MAPKAPK5: variants seen among roughly 807,000 people sequenced by gnomAD.
MAPKAPK5 encodes the protein MAP kinase-activated protein kinase 5.
In MAPKAPK5, 30 loss-of-function variants were observed where a neutral mutation model predicts 65.1. The observed-to-expected ratio is 0.46, with a 90% CI of 0.34 to 0.63. The LOEUF is 0.63. Ranked by LOEUF, MAPKAPK5 falls within the 20% of genes least tolerant of loss-of-function variation. The probability of loss-of-function intolerance (pLI) is 0.01; values close to 1 mark genes in which losing one functional copy is unlikely to be tolerated. For synonymous variants in MAPKAPK5, 179 were observed against 204.6 expected, an observed-to-expected ratio of 0.87 and a Z score of 1.07; for missense variants, 433 against 581.4, an observed-to-expected ratio of 0.74 and a Z score of 2.63.
chr12:111,857,405 C>A (rs2069280154), intron 1 of MAPKAPK5, among the ~76,000 whole-genome samples: 2 of 152,062 alleles, frequency 1.3e-5, no homozygotes, highest in Non-Finnish European at 2.9e-5. Context: ...CCATGCCTGG[C>A]TATTTTGGGG....
chr12:111,877,903 G>T lies in MAPKAPK5; in HGVS notation c.580-2544G>T, dbSNP rs75980545. Among the ~76,000 whole-genome samples the T allele has an allele frequency of 1.6e-4, 24 of 151,774 alleles. No homozygotes were observed. The East Asian group carries it at 4.6e-3, about 29-fold the overall frequency. ...GATGGGGCCTCACCACATTGTCCAG[G>T]CTGGTCTCGAACTTCTGGGCTCAAG... On this transcript the variant is annotated intron_variant, in intron 7 of 13. Transcript: ENST00000550735.
At chr12:111,860,342 G>A (rs1188141132) in intron 1 of MAPKAPK5, among the ~76,000 whole-genome samples, 1 of 152,106 alleles carries the variant, frequency 6.6e-6, no homozygotes, top group Non-Finnish European at 1.5e-5. Flanking sequence ...GTTTTTCCTG[G>A]TTCTCTTAGG....
At position 111,890,089 on chromosome 12, in the gene MAPKAPK5, G is replaced by C; in HGVS notation, c.1266G>C (p.Lys422Asn). The C allele has an allele frequency of 1.2e-6, 2 of 1,600,266 alleles. No homozygotes were observed. The highest frequency in any genetic ancestry group is 1.7e-6 in the Non-Finnish European group (2 of 1,173,688). Residue 422 changes from lysine to asparagine, a missense_variant, in exon 13 of 14, where the codon AAG (lysine) becomes AAC (asparagine). Physicochemically the swap from Lys to Asn is moderately conservative, Grantham distance 94. This residue lies in a region of MAPKAPK5 where 169 missense variants were observed against 215.6 expected (regional missense o/e 0.78). Transcript: ENST00000550735. ...ATGAAGTAATGCAGGAGGCTTGGAA[G>C]TATAACCGGGAATGCAAACTCCTAA... ...KLNEVMQEAW[K>N]YNRECKLLRD...
intron 8 of MAPKAPK5, among the ~76,000 whole-genome samples, chr12:111,882,406 C>T (rs1323150888): frequency 6.6e-6 from 1 of 152,046 alleles, no homozygotes; most frequent in East Asian, 1.9e-4. Context: ...GCGAGAGTAC[C>T]TGAGACACCC....
rs1325743060 is a variant in MAPKAPK5, at chr12:111,842,597, C to G, written c.-137C>G. ...CCGGCGCCGGGGTCCTCATCCCCAC[C>G]GGTCCCGAGGGGCGGCTGCTGCCCG... On this transcript the variant is annotated 5_prime_UTR_variant, in exon 1 of 14. Transcript: ENST00000550735. 1 of 496,926 alleles carries G rather than the reference C, an allele frequency of 2.0e-6. No homozygotes were observed. Among genetic ancestry groups the G allele is most frequent in the African/African-American group, 2.0e-5 (1 of 49,896 alleles). 30.8% of individuals were successfully genotyped at this position (496,926 alleles called of 1,614,324 possible).
At chr12:111,856,882 C>A (rs1171250231) in intron 1 of MAPKAPK5, among the ~76,000 whole-genome samples, 5 of 152,104 alleles carry the variant, frequency 3.3e-5, no homozygotes, top group Non-Finnish European at 7.4e-5. Flanking sequence ...AGTATATTTA[C>A]CATTTTTGTT....
chr12:111,899,953 A>G lies in MAPKAPK5; in HGVS notation c.*6892A>G, dbSNP rs1321847040. The G allele has an allele frequency of 2.2e-6, 1 of 455,972 alleles. No homozygotes were observed. The highest frequency in any genetic ancestry group is 2.0e-5 in the African/African-American group (1 of 50,072). 28.2% of individuals were successfully genotyped at this position (455,972 alleles called of 1,614,324 possible). ...GCACTGTCCTACTTGTGGTCACACA[A>G]AAAGTACGTGGAGATGTTTGTCGTG... On this transcript the variant is annotated 3_prime_UTR_variant, in exon 14 of 14. Transcript: ENST00000550735.
intron 1 of MAPKAPK5, among the ~76,000 whole-genome samples, chr12:111,862,979 G>A (rs535464193): frequency 1.9e-4 from 29 of 152,256 alleles, no homozygotes; most frequent in African/African-American, 6.7e-4. Context: ...AAGGAAGTAG[G>A]CAGGTTAAGT....
At position 111,842,675 on chromosome 12, in the gene MAPKAPK5, G is replaced by T; in HGVS notation, c.-59G>T. 7.7e-7 allele frequency: 1 copy of T among 1,296,472 alleles called. No homozygotes were observed. 80.3% of individuals were successfully genotyped at this position (1,296,472 alleles called of 1,614,324 possible). ...CCGAGCCCTTTGCTCCCTCGGCCGC[G>T]CGGGGACAGGGCTGCTGAGCAGCCT... is the stretch of plus-strand genomic sequence containing the variant. On this transcript the variant is annotated 5_prime_UTR_variant, in exon 1 of 14. Transcript: ENST00000550735.
chr12:111,899,055 T>C lies in MAPKAPK5; in HGVS notation c.*5994T>C, dbSNP rs1053608347. On this transcript the variant is annotated 3_prime_UTR_variant, in exon 14 of 14. Transcript: ENST00000550735. ...AGTTGTTGCTGTTGGAAGGAAGACA[T>C]ACTAAAGAAACTGCCGAAGGCCAGG... 17 of 152,168 alleles carry C rather than the reference T, an allele frequency of 1.1e-4. No individual in the cohort carries two copies. The highest frequency in any genetic ancestry group is 3.3e-4 in the Admixed American group (5 of 15,272). The allele number at this position is 152,168 out of a possible 1,614,324, so 9.4% of individuals were successfully genotyped here. A position where few individuals can be genotyped will look rare whatever the true frequency, so the allele number is the denominator to read the frequency against.
At chr12:111,858,653 C>T (rs1227813287) in intron 1 of MAPKAPK5, among the ~76,000 whole-genome samples, 1 of 149,138 alleles carries the variant, frequency 6.7e-6, no homozygotes, top group African/African-American at 2.5e-5. Context: ...AAGCAATTCT[C>T]CTGCCCCAGC....
At position 111,889,173 on chromosome 12, in the gene MAPKAPK5, G is replaced by T. The variant is rs927608987; in HGVS notation, c.1216+173G>T. The T allele has an allele frequency of 8.7e-5, 53 of 611,976 alleles. No homozygotes were observed. The African/African-American group carries it at 9.6e-4, about 11-fold the overall frequency. 37.9% of individuals were successfully genotyped at this position (611,976 alleles called of 1,614,324 possible). A position where few individuals can be genotyped will look rare whatever the true frequency, so the allele number is the denominator to read the frequency against. ...TAAGGTAGTCTATGCCCACTAAAAA[G>T]ATTGGACAGTGGGAGCTTAGAAATG... On this transcript the variant is annotated intron_variant, in intron 12 of 13. Transcript: ENST00000550735.
At chr12:111,849,140 C>G (rs1240448860) in intron 1 of MAPKAPK5, among the ~76,000 whole-genome samples, 1 of 151,224 alleles carries the variant, frequency 6.6e-6, no homozygotes, top group African/African-American at 2.4e-5. Context: ...GAGATGGGGT[C>G]TCACAATGTT....
Position 111,901,229 on chromosome 12 carries a change from T to TAAA in MAPKAPK5, c.*8170_*8172dup, listed in dbSNP as rs1026239376. 1.1e-5 allele frequency: 5 copies of TAAA among 455,906 alleles called. No homozygotes were observed. Among genetic ancestry groups the TAAA allele is most frequent in the Non-Finnish European group, 2.2e-5 (5 of 226,782 alleles). The allele number at this position is 455,906 out of a possible 1,614,324, so 28.2% of individuals were successfully genotyped here. ...TCTGCCTGAATTCCGCCTGCACAGA[T>TAAA]AAAACCCCAGTGATTTCTGCCTGCA... On this transcript the variant is annotated 3_prime_UTR_variant, in exon 14 of 14. Transcript: ENST00000550735.
At chr12:111,858,657 C>T (rs193069986) in intron 1 of MAPKAPK5, among the ~76,000 whole-genome samples, 1 of 149,256 alleles carries the variant, frequency 6.7e-6, no homozygotes, top group African/African-American at 2.5e-5. Context: ...AATTCTCCTG[C>T]CCCAGCCTCC....
chr12:111,886,609 C>T (rs779538992), intron 10 of MAPKAPK5, among the ~76,000 whole-genome samples: 8 of 152,212 alleles, frequency 5.3e-5, no homozygotes, highest in Non-Finnish European at 1.2e-4. Context: ...CCATGCGTGG[C>T]GAACAGCATA....
At chr12:111,867,479 ATTGTAAT>A in intron 3 of MAPKAPK5, 86 bp from the exon 4 acceptor site, 1 of 799,240 alleles carries the variant, frequency 1.3e-6, no homozygotes, top group Non-Finnish European at 2.1e-6. Flanking sequence ...TAAAGTTTTT[ATTGTAAT>A]TAGCTTGTAC....
chr12:111,859,878 AC>A (rs2069373761), intron 1 of MAPKAPK5, among the ~76,000 whole-genome samples: 1 of 149,342 alleles, frequency 6.7e-6, no homozygotes, highest in Admixed American at 6.7e-5. Context: ...CGAACTCCTG[AC>A]CTCAGGTGAT....
rs774804736 is a variant in MAPKAPK5 at position 111,885,955 on chromosome 12, G to A, written c.888G>A (p.Glu296=). ...KVKPEERLTI[E]GVLDHPWLNS... is the part of the protein sequence containing the mutation. ...AACCGGAGGAGAGACTCACCATCGA[G>A]GGAGTGCTGGACCACCCCTGGCTCA... The change falls in exon 10 of 14, where the codon GAG becomes GAA. Residue 296 remains glutamate (E), a synonymous_variant. Transcript: ENST00000550735. 3.7e-6 allele frequency: 6 copies of A among 1,613,988 alleles called. No individual in the cohort carries two copies. The highest frequency in any genetic ancestry group is 2.2e-5 in the South Asian group (2 of 91,082).
Sources: allele counts gnomAD v4.1 joint callset (sites outside exome capture counted in the v4.1 genomes callset), GRCh38; gene constraint gnomAD v4.1.1; regional missense constraint gnomAD v4.1.1; transcripts MANE v1.5; gene names NCBI Gene and HGNC (gene_info 2026-07-23, HGNC 2026-07-21).